Variants in GRID2 observed in about 807,000 individuals in gnomAD.
GRID2 encodes glutamate ionotropic receptor delta type subunit 2.
A neutral mutation model predicts 114.8 loss-of-function variants in GRID2; 33 were observed. The observed-to-expected ratio is 0.29, with a 90% CI of 0.22 to 0.38. The LOEUF (loss-of-function observed/expected upper bound fraction) is 0.38, where lower values mean the gene tolerates loss of function less well. Ranked by LOEUF, GRID2 falls within the 10% of genes least tolerant of loss-of-function variation. GRID2 has a pLI of 1.00. For synonymous variants in GRID2, 505 were observed against 449.9 expected (o/e 1.12, Z -1.55); for missense variants, 1,184 against 1,257.7 (o/e 0.94, Z 0.89).
intron 14 of GRID2, among the ~76,000 whole-genome samples, chr4:93,702,230 G>C (rs1727574914): frequency 6.6e-6 from 1 of 152,062 alleles, no homozygotes; most frequent in African/African-American, 2.4e-5. Context: ...CATACACCAA[G>C]AATGTCTAGA....
chr4:92,807,990 T>C (rs1271961392), intron 2 of GRID2, among the ~76,000 whole-genome samples: 1 of 151,938 alleles, frequency 6.6e-6, no homozygotes, highest in East Asian at 1.9e-4. Context: ...ATAATTAAAT[T>C]GAGGATTTTG....
In GRID2 at chr4:92,481,983, T is replaced by C. The variant is rs62310666; in HGVS notation, c.89-108148T>C. On this transcript the variant is annotated intron_variant, in intron 1 of 15. Coordinates refer to ENST00000282020, the MANE Select transcript of GRID2 (RefSeq NM_001510.4). ...TGGTGGACTGGAGAATAAAATGTGA[T>C]ATATATATATATATATATATATATA... 5.1e-4 allele frequency among the ~76,000 whole-genome samples: 26 copies of C among 50,976 alleles called. No individual in the cohort carries two copies. In the East Asian group the frequency reaches 6.1e-3, roughly 12 times the overall value. The allele number at this position is 50,976 out of a possible 152,430, so 33.4% of individuals were successfully genotyped here. A position where few individuals can be genotyped will look rare whatever the true frequency, so the allele number is the denominator to read the frequency against.
chr4:93,107,080 G>T (rs766712145), intron 3 of GRID2, among the ~76,000 whole-genome samples: 1 of 152,004 alleles, frequency 6.6e-6, no homozygotes, highest in South Asian at 2.1e-4. Context: ...CAGGTGGATC[G>T]CCTGAGCTCA....
intron 2 of GRID2, among the ~76,000 whole-genome samples, chr4:92,872,406 C>A (rs745947220): frequency 1.7e-4 from 26 of 151,982 alleles, no homozygotes; most frequent in Non-Finnish European, 2.9e-5. Flanking sequence ...TTATGGAATT[C>A]TCCATGAAGA....
intron 1 of GRID2, among the ~76,000 whole-genome samples, chr4:92,354,776 G>A (rs574000214): frequency 6.6e-6 from 1 of 152,064 alleles, no homozygotes; most frequent in African/African-American, 2.4e-5. Context: ...TAGACAGTTA[G>A]AATTAGCAGA....
At chr4:93,766,549 C>G (rs915697683) in intron 14 of GRID2, among the ~76,000 whole-genome samples, 9 of 152,178 alleles carry the variant, frequency 5.9e-5, no homozygotes, top group African/African-American at 1.9e-4. Context: ...CACAAGGCTA[C>G]TGACCAATAT....
chr4:92,939,114 G>T lies in GRID2; in HGVS notation c.245-145881G>T, dbSNP rs1002133808. On this transcript the variant is annotated intron_variant, in intron 2 of 15. Coordinates refer to ENST00000282020, the MANE Select transcript of GRID2 (RefSeq NM_001510.4). ...ATGGCTGGGTCAAATGGTATTTCTA[G>T]TTCTAGATCCATGAGGAACTGCTAC... 6.1e-5 allele frequency among the ~76,000 whole-genome samples: 9 copies of T among 147,156 alleles called. 2 individuals are homozygous for T. Among genetic ancestry groups the T allele is most frequent in the Non-Finnish European group, 1.4e-4 (9 of 66,514 alleles).
chr4:92,821,518 A>C (rs1205247042), intron 2 of GRID2, among the ~76,000 whole-genome samples: 1 of 152,118 alleles, frequency 6.6e-6, no homozygotes, highest in Non-Finnish European at 1.5e-5. Flanking sequence ...ATTACTAGGT[A>C]ATTGATCTTG....
rs140394179 is a variant in GRID2 at position 92,527,032 on chromosome 4, T to G, written c.89-63099T>G. On this transcript the variant is annotated intron_variant, in intron 1 of 15. Coordinates refer to ENST00000282020, the MANE Select transcript of GRID2 (RefSeq NM_001510.4). ...TGTTTTGGTTTTGCTAGGTGAGTGTTTGTTAACATCAAGGGATGAGGATAC... is the reference window on the plus strand; with the variant it reads ...TGTTTTGGTTTTGCTAGGTGAGTGTGTGTTAACATCAAGGGATGAGGATAC... 1.7e-3 allele frequency among the ~76,000 whole-genome samples: 256 copies of G among 152,118 alleles called. 1 individual carries two copies. The highest frequency in any genetic ancestry group is 6.0e-3 in the African/African-American group (248 of 41,528).
chr4:93,477,652 A>G (rs1725448081), intron 11 of GRID2, among the ~76,000 whole-genome samples: 1 of 152,130 alleles, frequency 6.6e-6, no homozygotes, highest in African/African-American at 2.4e-5. Flanking sequence ...GAACTTTGCT[A>G]ATTAATGTTC....
chr4:92,646,392 G>A (rs555018777), intron 2 of GRID2, among the ~76,000 whole-genome samples: 164 of 152,226 alleles, frequency 1.1e-3, no homozygotes, highest in African/African-American at 3.8e-3. Flanking sequence ...TTATTAACCT[G>A]CCTGTACAGA....
At chr4:93,616,404 C>G (rs1220922459) in intron 13 of GRID2, among the ~76,000 whole-genome samples, 1 of 151,186 alleles carries the variant, frequency 6.6e-6, no homozygotes, top group Non-Finnish European at 1.5e-5. Context: ...AAAATTAGAC[C>G]AGTGTGATGG....
intron 14 of GRID2, among the ~76,000 whole-genome samples, chr4:93,744,307 A>G (rs2110263445): frequency 6.6e-6 from 1 of 152,342 alleles, no homozygotes; most frequent in South Asian, 2.1e-4. Flanking sequence ...TAGCTACCAT[A>G]GACAGACAAT....
intron 2 of GRID2, among the ~76,000 whole-genome samples, chr4:92,673,980 TAAAA>T (rs1279930713): frequency 1.8e-4 from 27 of 151,232 alleles, no homozygotes; most frequent in Middle Eastern, 3.4e-3. Flanking sequence ...ATAATAAAAA[TAAAA>T]AATAAATAAA....
chr4:92,951,943 A>G (rs1005151103), intron 2 of GRID2, among the ~76,000 whole-genome samples: 1 of 152,060 alleles, frequency 6.6e-6, no homozygotes, highest in African/African-American at 2.4e-5. Flanking sequence ...ATGCTATCTC[A>G]CCTAAGTCTT....
At chr4:92,434,347 G>A (rs1732626769) in intron 1 of GRID2, among the ~76,000 whole-genome samples, 1 of 152,186 alleles carries the variant, frequency 6.6e-6, no homozygotes, top group African/African-American at 2.4e-5. Flanking sequence ...CAAGGAGTAT[G>A]TGTATATTTG....
chr4:92,403,229 GC>G (rs1490489882), intron 1 of GRID2, among the ~76,000 whole-genome samples: 2 of 152,110 alleles, frequency 1.3e-5, no homozygotes, highest in African/African-American at 4.8e-5. Context: ...TCAGGAAGAA[GC>G]TTTTTTGCTT....
At chr4:92,898,552 A>AT in intron 2 of GRID2, among the ~76,000 whole-genome samples, 1 of 152,268 alleles carries the variant, frequency 6.6e-6, no homozygotes, top group Admixed American at 6.5e-5. Context: ...CTTCTGTGAA[A>AT]TTACACTGCT....
At chr4:92,640,328 T>G (rs1299846286) in intron 2 of GRID2, among the ~76,000 whole-genome samples, 1 of 151,890 alleles carries the variant, frequency 6.6e-6, no homozygotes, top group African/African-American at 2.4e-5. Context: ...GACATTTACT[T>G]CAAACATAAA....
Sources: gnomAD v4.1 joint callset for allele counts (sites outside exome capture counted in the v4.1 genomes callset) on GRCh38, gnomAD v4.1.1 for gene constraint, MANE v1.5 for transcripts, NCBI Gene and HGNC (gene_info 2026-07-23, HGNC 2026-07-21) for gene names.